Variants in USP32 observed in about 807,000 individuals in gnomAD.
USP32 encodes ubiquitin carboxyl-terminal hydrolase 32.
Under a neutral mutation model 204.8 loss-of-function variants are expected in USP32, and 59 were observed. The observed-to-expected ratio is 0.29, with a 90% confidence interval of 0.23 to 0.36. USP32 has a LOEUF of 0.36. USP32 is among the 10% of genes least tolerant of loss of function. The pLI is 1.00. For missense variants in USP32, 1,160 were observed against 1,946.4 expected (o/e 0.60, Z 7.60); for synonymous variants, 517 against 678.4 (o/e 0.76, Z 3.70).
intron 1 of USP32, among the ~76,000 whole-genome samples, chr17:60,351,290 G>A (rs1356542629): frequency 6.6e-6 from 1 of 152,038 alleles, no homozygotes; most frequent in Non-Finnish European, 1.5e-5. Flanking sequence ...GCAACTCCCG[G>A]GCTCAAGTGA....
At chr17:60,354,120 T>G (rs2089015685) in intron 1 of USP32, among the ~76,000 whole-genome samples, 1 of 152,248 alleles carries the variant, frequency 6.6e-6, no homozygotes. Context: ...ACTTTATTAT[T>G]ACTCATTACA....
intron 1 of USP32, among the ~76,000 whole-genome samples, chr17:60,380,633 T>C (rs1403113793): frequency 6.6e-6 from 1 of 152,220 alleles, no homozygotes; most frequent in Non-Finnish European, 1.5e-5. Flanking sequence ...ATGCTTATTG[T>C]AGAGAAGTGG....
chr17:60,234,485 CGGGA>C, intron 12 of USP32, among the ~76,000 whole-genome samples: 1 of 151,114 alleles, frequency 6.6e-6, no homozygotes, highest in Middle Eastern at 3.5e-3. Context: ...CCCAGCACTT[CGGGA>C]GGCCGAGGAG....
At chr17:60,243,003 T>A (rs114437248) in intron 11 of USP32, among the ~76,000 whole-genome samples, 3,280 of 152,360 alleles carry the variant, frequency 0.022, 139 homozygotes, top group African/African-American at 0.075. Flanking sequence ...TTCAAATCCA[T>A]TTACGTACAT....
intron 2 of USP32, among the ~76,000 whole-genome samples, chr17:60,321,857 T>C (rs1433830006): frequency 2.0e-5 from 3 of 151,612 alleles, no homozygotes; most frequent in Admixed American, 2.0e-4. Flanking sequence ...GTGGTAACTA[T>C]TTTAATCAGA....
At chr17:60,184,809 C>CAAAA (rs35566339) in intron 30 of USP32, among the ~76,000 whole-genome samples, 2 of 78,514 alleles carry the variant, frequency 2.5e-5, no homozygotes, top group African/African-American at 3.5e-5. Flanking sequence ...GACCCTGTCT[C>CAAAA]AAAAAAAAAA....
intron 11 of USP32, among the ~76,000 whole-genome samples, chr17:60,238,355 A>G (rs554958558): frequency 6.6e-6 from 1 of 152,244 alleles, no homozygotes; most frequent in African/African-American, 2.4e-5. Flanking sequence ...TTTAAAAATA[A>G]TATCTCTTGA....
chr17:60,223,388 A>T (rs770455497), intron 14 of USP32, 23 bp downstream of exon 14: 3 of 1,580,432 alleles, frequency 1.9e-6, no homozygotes, highest in Non-Finnish European at 8.6e-7. Flanking sequence ...AATAATTTTA[A>T]GTTTAGATGT....
chr17:60,289,001 G>T (rs116195934), intron 4 of USP32, among the ~76,000 whole-genome samples: 3,265 of 152,196 alleles, frequency 0.021, 134 homozygotes, highest in African/African-American at 0.074. Flanking sequence ...ACTGCATTTT[G>T]TTTTTTGTTT....
rs749537765 is a variant in USP32 at position 60,219,703 on chromosome 17, G to A, written c.1834C>T (p.Arg612Trp). ...LLFLRQQPAT[R>W]TQQSNIWVNM... is the part of the protein sequence containing the mutation. ...ACCCAGATGTTAGACTGCTGTGTCC[G>A]AGTGGCAGGCTGCTGTCTCAGGAAG... The change falls in exon 16 of 34, where the codon CGG becomes TGG. Residue 612 changes from arginine (R) to tryptophan (W), a missense_variant. Physicochemically the swap from Arg to Trp is moderately radical, Grantham distance 101 (BLOSUM62 -3). Around this residue, in one of 8 missense-constraint regions of USP32, gnomAD observed 37 missense variants for 62.6 expected, o/e 0.59. Coordinates refer to ENST00000300896, the MANE Select transcript of USP32 (RefSeq NM_032582.4). 13 of 1,612,260 alleles carry A rather than the reference G, an allele frequency of 8.1e-6. No individual in the cohort carries two copies. Among genetic ancestry groups the A allele is most frequent in the South Asian group, 5.5e-5 (5 of 91,010 alleles).
chr17:60,288,551 G>C lies in USP32; in HGVS notation c.543C>G (p.Phe181Leu). ...TLTDDSDTPT[F>L]YQTLAGVTHL... Reference sequence around the variant, plus strand: ...GTGTGACTCCAGCCAGAGTTTGGTAGAAAGTAGGAGTATCACTATCATCAG... The same window carrying C: ...GTGTGACTCCAGCCAGAGTTTGGTACAAAGTAGGAGTATCACTATCATCAG... Residue 181 changes from phenylalanine to leucine, a missense_variant, in exon 5 of 34, where the codon TTC (phenylalanine) becomes TTG (leucine). Phe to Leu is a conservative substitution (Grantham distance 22). Around this residue, in one of 8 missense-constraint regions of USP32, gnomAD observed 536 missense variants for 680.9 expected, o/e 0.79. Coordinates refer to ENST00000300896, the MANE Select transcript of USP32 (RefSeq NM_032582.4). 6.2e-7 allele frequency: 1 copy of C among 1,605,044 alleles called. No individual in the cohort carries two copies. The highest frequency in any genetic ancestry group is 8.5e-7 in the Non-Finnish European group (1 of 1,177,210).
chr17:60,211,058 T>A lies in USP32; in HGVS notation c.2379A>T (p.Glu793Asp). ...CATTCTTCTGAGTTCCACTCCAAAG[T>A]TCCTGCACTAAATCACCATAGCATT... is the stretch of plus-strand genomic sequence containing the variant. ...MAKCYGDLVQ[E>D]LWSGTQKNVA... is the part of the protein sequence containing the mutation. The change falls in exon 21 of 34, where the codon GAA (glutamate) becomes GAT (aspartate). Residue 793 changes from glutamate (E) to aspartate (D), a missense_variant. Glu to Asp is a conservative substitution (Grantham distance 45, BLOSUM62 2). This residue lies in a region of USP32 where 132 missense variants were observed against 432.8 expected (regional missense o/e 0.30). Transcript: ENST00000300896. 1 of 1,612,778 alleles carries A rather than the reference T, an allele frequency of 6.2e-7. No homozygotes were observed. Among genetic ancestry groups the A allele is most frequent in the Non-Finnish European group, 8.5e-7 (1 of 1,178,940 alleles).
intron 15 of USP32, 141 bp downstream of exon 15, chr17:60,222,268 G>T: frequency 2.2e-6 from 2 of 919,290 alleles, no homozygotes; most frequent in Non-Finnish European, 3.2e-6. Context: ...ACTTAACATT[G>T]AACAATCCAC....
chr17:60,323,808 C>A (rs975432728), intron 2 of USP32, among the ~76,000 whole-genome samples: 1 of 152,086 alleles, frequency 6.6e-6, no homozygotes, highest in Non-Finnish European at 1.5e-5. Context: ...TCAAGATAAA[C>A]CTTCATGTGA....
intron 1 of USP32, among the ~76,000 whole-genome samples, chr17:60,379,392 T>A (rs1220577993): frequency 6.6e-6 from 1 of 152,118 alleles, no homozygotes; most frequent in Non-Finnish European, 1.5e-5. Context: ...TGCACAAACA[T>A]CTACTACATT....
At chr17:60,318,623 C>T (rs2088040234) in intron 2 of USP32, among the ~76,000 whole-genome samples, 1 of 152,170 alleles carries the variant, frequency 6.6e-6, no homozygotes, top group East Asian at 1.9e-4. Context: ...GCTGCACCCC[C>T]ACCTCCAAAC....
intron 9 of USP32, among the ~76,000 whole-genome samples, chr17:60,261,886 G>A (rs1335985543): frequency 6.6e-6 from 1 of 152,020 alleles, no homozygotes; most frequent in African/African-American, 2.4e-5. Context: ...TGTTAATACT[G>A]TCCAAAAGGA....
intron 1 of USP32, among the ~76,000 whole-genome samples, chr17:60,346,488 G>C (rs1227107862): frequency 6.6e-6 from 1 of 151,982 alleles, no homozygotes; most frequent in Admixed American, 6.6e-5. Context: ...CTTGGATTTT[G>C]TCATTATTTA....
At chr17:60,269,629 G>A in intron 6 of USP32, 72 bp from the exon 7 acceptor site, 1 of 1,292,124 alleles carries the variant, frequency 7.7e-7, no homozygotes, top group South Asian at 1.4e-5. Context: ...GTTTACAAAA[G>A]GAGGAATGAC....
Sources: gnomAD v4.1 joint callset for allele counts (sites outside exome capture counted in the v4.1 genomes callset) on GRCh38, gnomAD v4.1.1 for gene constraint, gnomAD v4.1.1 regional missense constraint, MANE v1.5 for transcripts, NCBI Gene and HGNC (gene_info 2026-07-23, HGNC 2026-07-21) for gene names.